The following BOC variants were observed in gnomAD, a reference collection of about 807,000 sequenced individuals.
The protein encoded by BOC is brother of CDO.
Under a neutral mutation model 112.0 loss-of-function variants are expected in BOC, and 76 were observed. The ratio of observed to expected loss-of-function variants is 0.68; its 90% CI spans 0.56 to 0.82. The LOEUF is 0.82. BOC is among the 40% of genes least tolerant of loss of function. The pLI is 0.00. For missense variants in BOC, 1,309 were observed against 1,511.7 expected (o/e 0.87, Z 2.22); for synonymous variants, 580 against 599.8 (o/e 0.97, Z 0.48).
At chr3:113,250,517 G>T (rs1945484025) in intron 3 of BOC, 38 bp from the exon 4 acceptor site, 1 of 1,557,684 alleles carries the variant, frequency 6.4e-7, no homozygotes, top group East Asian at 2.2e-5. Flanking sequence ...TTTTCTTGGG[G>T]GCATCAGTTC....
chr3:113,286,993 A>G lies in BOC; in HGVS notation c.*131A>G, dbSNP rs1223710871. 1.0e-6 allele frequency: 1 copy of G among 963,414 alleles called. No individual in the cohort carries two copies. The highest frequency in any genetic ancestry group is 1.6e-6 in the Non-Finnish European group (1 of 636,410). The allele number at this position is 963,414 out of a possible 1,614,324, so 59.7% of individuals were successfully genotyped here. A position where few individuals can be genotyped will look rare whatever the true frequency, so the allele number is the denominator to read the frequency against. ...TATTTATATATTTATGCACTTGTAAATAAATGTATATGTTTTATAATTCTG... is the reference window on the plus strand; with the variant it reads ...TATTTATATATTTATGCACTTGTAAGTAAATGTATATGTTTTATAATTCTG... On this transcript the variant is annotated 3_prime_UTR_variant, in exon 20 of 20. Coordinates refer to ENST00000682979, the MANE Select transcript of BOC (RefSeq NM_001378074.1).
intron 2 of BOC, among the ~76,000 whole-genome samples, chr3:113,228,790 T>C (rs1942106376): frequency 6.6e-6 from 1 of 152,036 alleles, no homozygotes; most frequent in Non-Finnish European, 1.5e-5. Context: ...GGAAGACACT[T>C]CAAACCCTTC....
intron 2 of BOC, among the ~76,000 whole-genome samples, chr3:113,221,878 C>T (rs1940738581): frequency 6.6e-6 from 1 of 152,170 alleles, no homozygotes; most frequent in Non-Finnish European, 1.5e-5. Flanking sequence ...GGCCTCCCTT[C>T]CCCCCTTGCC....
At chr3:113,284,120 T>G (rs1949453194) in intron 16 of BOC, among the ~76,000 whole-genome samples, 1 of 152,016 alleles carries the variant, frequency 6.6e-6, no homozygotes, top group Non-Finnish European at 1.5e-5. Context: ...CTCCCCACCC[T>G]TCTCCCTGCA....
chr3:113,220,075 C>G (rs77229320), intron 2 of BOC, among the ~76,000 whole-genome samples: 12,011 of 151,998 alleles, frequency 0.079, 1,220 homozygotes, highest in African/African-American at 0.24. Context: ...TTTTACTGGT[C>G]AGGAGAAGTG....
intron 2 of BOC, among the ~76,000 whole-genome samples, chr3:113,248,270 T>C (rs1945180260): frequency 6.6e-6 from 1 of 152,204 alleles, no homozygotes; most frequent in South Asian, 2.1e-4. Flanking sequence ...CAGTCCCCTG[T>C]GTCAGGCAAG....
chr3:113,237,759 A>G (rs941376074), intron 2 of BOC, among the ~76,000 whole-genome samples: 11 of 152,284 alleles, frequency 7.2e-5, no homozygotes, highest in African/African-American at 2.6e-4. Flanking sequence ...AGGAAAAAAA[A>G]TTGGTTCCAC....
At chr3:113,225,220 G>T (rs1242702965) in intron 2 of BOC, among the ~76,000 whole-genome samples, 1 of 151,968 alleles carries the variant, frequency 6.6e-6, no homozygotes, top group Non-Finnish European at 1.5e-5. Flanking sequence ...GTTGTAGTGA[G>T]CCGAGATTGC....
intron 2 of BOC, among the ~76,000 whole-genome samples, chr3:113,217,508 C>T (rs1474528785): frequency 2.9e-5 from 4 of 137,436 alleles, no homozygotes; most frequent in African/African-American, 1.1e-4. Flanking sequence ...GCCTGGGTGA[C>T]AGAGTGAGAC....
chr3:113,212,195 G>A (rs1035922250), intron 1 of BOC, 179 bp downstream of exon 1: 9 of 151,088 alleles, frequency 6.0e-5, no homozygotes, highest in Middle Eastern at 6.8e-3. Flanking sequence ...CCGGGGCTGG[G>A]AGCTGCGGCC....
At chr3:113,260,533 C>T (rs1220702460) in intron 4 of BOC, among the ~76,000 whole-genome samples, 1 of 152,164 alleles carries the variant, frequency 6.6e-6, no homozygotes, top group Non-Finnish European at 1.5e-5. Context: ...AGACCAGTAC[C>T]GTTCCATGGT....
chr3:113,241,700 C>T (rs978688787), intron 2 of BOC, among the ~76,000 whole-genome samples: 9 of 152,338 alleles, frequency 5.9e-5, no homozygotes, highest in Admixed American at 3.9e-4. Context: ...TATTAAGCTC[C>T]GTTCTGCCTG....
At position 113,249,861 on chromosome 3, in the gene BOC, GCCT is replaced by G. The variant is rs751321179; in HGVS notation, c.66_68del (p.Leu23del). On this transcript the variant is annotated inframe_deletion, in exon 3 of 20. Coordinates refer to ENST00000682979, the MANE Select transcript of BOC (RefSeq NM_001378074.1). ...ATGAGGCCTGAGGTCACACTGGCTT[GCCT>G]CCTCCTAGCCACAGCAGGCTGCTTT... is the stretch of plus-strand genomic sequence containing the variant. The G allele has an allele frequency of 9.9e-6, 16 of 1,612,454 alleles. No individual in the cohort carries two copies. Among genetic ancestry groups the G allele is most frequent in the South Asian group, 2.2e-5 (2 of 90,958 alleles).
At chr3:113,251,298 C>A in intron 4 of BOC, 1 of 227,298 alleles carries the variant, frequency 4.4e-6, no homozygotes, top group South Asian at 1.1e-4. Context: ...GTAGTCTGGA[C>A]AGAGCCCACC....
chr3:113,267,573 G>C (rs983257141), intron 4 of BOC, among the ~76,000 whole-genome samples: 2 of 152,272 alleles, frequency 1.3e-5, no homozygotes, highest in Middle Eastern at 6.8e-3. Flanking sequence ...GGTATCCAGA[G>C]TCCTGCCCCC....
chr3:113,230,137 T>C (rs2107694380), intron 2 of BOC, among the ~76,000 whole-genome samples: 1 of 152,290 alleles, frequency 6.6e-6, no homozygotes, highest in South Asian at 2.1e-4. Context: ...CATCTTCTTG[T>C]CTCTCAGTAC....
At chr3:113,213,622 A>G (rs1462554796) in intron 1 of BOC, among the ~76,000 whole-genome samples, 1 of 152,152 alleles carries the variant, frequency 6.6e-6, no homozygotes, top group Non-Finnish European at 1.5e-5. Context: ...GCAAGAGGTT[A>G]GCCATTTTGA....
In BOC at chr3:113,274,580, G is replaced by T. The variant is rs780756202; in HGVS notation, c.1440G>T (p.Ser480=). 1 of 1,613,626 alleles carries T rather than the reference G, an allele frequency of 6.2e-7. No homozygotes were observed. The highest frequency in any genetic ancestry group is 1.3e-5 in the African/African-American group (1 of 75,056). The stretch of plus-strand genomic sequence containing the variant: ...CCGAGGCTCCCATCATCCTCAGCTC[G>T]CCCCGCACCTCCAAGACAGACTCAT... ...APAEAPIILS[S]PRTSKTDSYE... Residue 480 remains serine (S), a synonymous_variant, in exon 9 of 20, where the codon TCG becomes TCT. Transcript: ENST00000682979. This position sits in a 1 kb window ranked among gnomAD's most constrained non-coding sequence, Gnocchi z 4.8.
At chr3:113,233,148 G>GGTGTGTGTGTGT (rs59444901) in intron 2 of BOC, among the ~76,000 whole-genome samples, 1,748 of 123,990 alleles carry the variant, frequency 0.014, 63 homozygotes, top group East Asian at 0.022. Context: ...AAAGGATTGG[G>GGTGTGTGTGTGT]GTGTGTGTGT....
Sources: gnomAD v4.1 joint callset for allele counts (sites outside exome capture counted in the v4.1 genomes callset) on GRCh38, gnomAD v4.1.1 for gene constraint, Gnocchi (gnomAD v3.1) non-coding constraint, MANE v1.5 for transcripts, NCBI Gene and HGNC (gene_info 2026-07-23, HGNC 2026-07-21) for gene names.